Variants in EDIL3 observed in about 807,000 individuals in gnomAD.
EDIL3 encodes EGF like and discoidin domains 3.
In EDIL3, 37 loss-of-function variants were observed where a neutral mutation model predicts 67.4. That is an observed-to-expected ratio of 0.55 (90% CI 0.42 to 0.72). EDIL3 has a LOEUF of 0.72. EDIL3 is among the 30% of genes least tolerant of loss of function. EDIL3 has a pLI of 0.00. For synonymous variants in EDIL3, 195 were observed against 196.3 expected, an observed-to-expected ratio of 0.99 and a Z score of 0.05; for missense variants, 527 against 586.3, an observed-to-expected ratio of 0.90 and a Z score of 1.04.
chr5:84,338,284 A>G (rs1257773273), intron 1 of EDIL3, among the ~76,000 whole-genome samples: 1 of 152,158 alleles, frequency 6.6e-6, no homozygotes, highest in Non-Finnish European at 1.5e-5. Flanking sequence ...GGCCAATAGA[A>G]TGCAAACAGG....
chr5:84,145,284 CT>C (rs1748272354), intron 4 of EDIL3, among the ~76,000 whole-genome samples: 1 of 152,050 alleles, frequency 6.6e-6, no homozygotes, highest in East Asian at 1.9e-4. Context: ...GTTTTTATAG[CT>C]GTATTAAATT....
At position 84,076,624 on chromosome 5, in the gene EDIL3, C is replaced by T. The variant is rs115439251; in HGVS notation, c.652-10018G>A. 5.8e-3 allele frequency among the ~76,000 whole-genome samples: 883 copies of T among 152,230 alleles called. 9 individuals are homozygous for T. The highest frequency in any genetic ancestry group is 0.019 in the African/African-American group (803 of 41,544). ...TGATTAATATCACCACCAATTTCAT[C>T]AGAAAAGTTTTTAATTATTGGAATG... On this transcript the variant is annotated intron_variant, in intron 6 of 10. Transcript: ENST00000296591.
chr5:84,341,851 T>G (rs2112178175), intron 1 of EDIL3, among the ~76,000 whole-genome samples: 1 of 152,148 alleles, frequency 6.6e-6, no homozygotes, highest in Non-Finnish European at 1.5e-5. Context: ...TGTCCCTATG[T>G]TTTAGCTAGG....
chr5:84,344,836 A>G (rs1160571469), intron 1 of EDIL3, among the ~76,000 whole-genome samples: 1 of 152,138 alleles, frequency 6.6e-6, no homozygotes, highest in Non-Finnish European at 1.5e-5. Flanking sequence ...GAGCCACCTT[A>G]GACAATAATA....
At position 84,180,598 on chromosome 5, in the gene EDIL3, T is replaced by G. The variant is rs73140549; in HGVS notation, c.227-77A>C. ...CATTAGGTCAACATTTTGCAATTAA[T>G]AATTTTACAGAAAAAAGTGTTCTAG... On this transcript the variant is annotated intron_variant, in intron 3 of 10. Coordinates refer to ENST00000296591, the MANE Select transcript of EDIL3 (RefSeq NM_005711.5). The G allele has an allele frequency of 1.2e-3, 1,672 of 1,416,920 alleles. 14 individuals carry two copies. In the African/African-American group the frequency reaches 0.022, roughly 19 times the overall value. The allele number at this position is 1,416,920 out of a possible 1,614,324, so 87.8% of individuals were successfully genotyped here.
intron 1 of EDIL3, among the ~76,000 whole-genome samples, chr5:84,280,656 A>C (rs1745677604): frequency 6.6e-6 from 1 of 152,132 alleles, no homozygotes; most frequent in Non-Finnish European, 1.5e-5. Flanking sequence ...CACTTCTGTA[A>C]AGGAGAAAAA....
At chr5:84,291,999 A>G (rs1745933981) in intron 1 of EDIL3, among the ~76,000 whole-genome samples, 5 of 151,720 alleles carry the variant, frequency 3.3e-5, no homozygotes, top group Admixed American at 3.3e-4. Context: ...AAGAAAAAAA[A>G]CTCAGTGCTA....
At chr5:84,028,634 C>T (rs1273660209) in intron 9 of EDIL3, among the ~76,000 whole-genome samples, 1 of 151,640 alleles carries the variant, frequency 6.6e-6, no homozygotes, top group Non-Finnish European at 1.5e-5. Context: ...GTTTAAACTT[C>T]AAAAAAAGTC....
intron 9 of EDIL3, among the ~76,000 whole-genome samples, chr5:84,007,694 C>T (rs1163803715): frequency 6.6e-6 from 1 of 152,110 alleles, no homozygotes; most frequent in Non-Finnish European, 1.5e-5. Context: ...TAAATTAGTA[C>T]AGCCACTTTG....
intron 1 of EDIL3, among the ~76,000 whole-genome samples, chr5:84,327,227 A>G (rs1285190630): frequency 6.6e-6 from 1 of 151,974 alleles, no homozygotes; most frequent in African/African-American, 2.4e-5. Context: ...ATTCATCCTT[A>G]CTAACCAAAA....
Position 83,942,309 on chromosome 5 carries a change from C to G in EDIL3, c.*1110G>C, listed in dbSNP as rs1045981186. ...TAAACACTTTGCTTCTCACAAATAA[C>G]TCCACCTGTGCCTTCCTGGGAAACT... is the stretch of plus-strand genomic sequence containing the variant. On this transcript the variant is annotated 3_prime_UTR_variant, in exon 11 of 11. Coordinates refer to ENST00000296591, the MANE Select transcript of EDIL3 (RefSeq NM_005711.5). The G allele has an allele frequency of 2.0e-5, 3 of 151,992 alleles. No homozygotes were observed. Among genetic ancestry groups the G allele is most frequent in the Non-Finnish European group, 4.4e-5 (3 of 67,938 alleles). 9.4% of individuals were successfully genotyped at this position (151,992 alleles called of 1,614,324 possible).
intron 4 of EDIL3, among the ~76,000 whole-genome samples, chr5:84,176,278 ATATAT>A (rs1303148717): frequency 1.4e-4 from 20 of 144,106 alleles, no homozygotes; most frequent in African/African-American, 4.6e-4. Context: ...ATTGTATAAA[ATATAT>A]TATATATAAA....
intron 1 of EDIL3, among the ~76,000 whole-genome samples, chr5:84,373,495 C>T (rs913966115): frequency 1.3e-5 from 2 of 152,268 alleles, no homozygotes; most frequent in South Asian, 2.1e-4. Flanking sequence ...CCTTTCAGCC[C>T]TTCCAGGATC....
At chr5:84,354,422 C>T (rs566781531) in intron 1 of EDIL3, among the ~76,000 whole-genome samples, 60 of 151,994 alleles carry the variant, frequency 3.9e-4, no homozygotes, top group Non-Finnish European at 7.9e-4. Context: ...TTTGGGAAGC[C>T]GAGGCAAGCA....
intron 1 of EDIL3, among the ~76,000 whole-genome samples, chr5:84,380,208 TA>T (rs959471762): frequency 6.6e-6 from 1 of 151,894 alleles, no homozygotes; most frequent in Non-Finnish European, 1.5e-5. Context: ...ATGATAAAAA[TA>T]AAAAAATCAT....
At chr5:83,998,107 G>A (rs753768252) in intron 9 of EDIL3, among the ~76,000 whole-genome samples, 1 of 152,144 alleles carries the variant, frequency 6.6e-6, no homozygotes, top group Non-Finnish European at 1.5e-5. Flanking sequence ...GCTAGGCTGG[G>A]AGCCCGTGGA....
At chr5:84,300,818 A>G (rs981075058) in intron 1 of EDIL3, among the ~76,000 whole-genome samples, 3 of 152,174 alleles carry the variant, frequency 2.0e-5, no homozygotes, top group Non-Finnish European at 4.4e-5. Context: ...GATTAGAATC[A>G]CAGAATTCTT....
At chr5:84,299,181 T>C (rs756951720) in intron 1 of EDIL3, among the ~76,000 whole-genome samples, 22 of 152,026 alleles carry the variant, frequency 1.4e-4, no homozygotes, top group Non-Finnish European at 2.8e-4. Flanking sequence ...TTAAACATAA[T>C]AGGAATCCAA....
At chr5:84,059,014 C>CAT (rs1215405137) in intron 9 of EDIL3, among the ~76,000 whole-genome samples, 1 of 151,796 alleles carries the variant, frequency 6.6e-6, no homozygotes, top group Non-Finnish European at 1.5e-5. Context: ...GAATAAAGCT[C>CAT]TAGATCAATA....
Sources: allele counts gnomAD v4.1 joint callset (sites outside exome capture counted in the v4.1 genomes callset), GRCh38; gene constraint gnomAD v4.1.1; transcripts MANE v1.5; gene names NCBI Gene and HGNC (gene_info 2026-07-23, HGNC 2026-07-21).